The following NPEPPS variants were observed in gnomAD, a reference collection of about 807,000 sequenced individuals.
The protein encoded by NPEPPS is puromycin-sensitive aminopeptidase.
Under a neutral mutation model 115.5 loss-of-function variants are expected in NPEPPS, and 14 were observed. That is an observed-to-expected ratio of 0.12 (90% CI 0.08 to 0.19). The LOEUF is 0.19. Ranked by LOEUF, NPEPPS falls within the 10% of genes least tolerant of loss-of-function variation. The pLI is 1.00. For missense variants in NPEPPS, 523 were observed against 1,110.8 expected, an observed-to-expected ratio of 0.47 and a Z score of 7.52; for synonymous variants, 285 against 390.6, an observed-to-expected ratio of 0.73 and a Z score of 3.19.
intron 1 of NPEPPS, among the ~76,000 whole-genome samples, chr17:47,533,352 CTG>C (rs890304339): frequency 2.0e-5 from 3 of 151,776 alleles, no homozygotes; most frequent in African/African-American, 4.8e-5. Context: ...ATTTGGGAAA[CTG>C]TGGCTTAAGC....
chr17:47,529,408 T>G (rs932483406), upstream of NPEPPS, among the ~76,000 whole-genome samples: 6 of 143,476 alleles, frequency 4.2e-5, no homozygotes, highest in Non-Finnish European at 6.1e-5. Flanking sequence ...TGGGCCCACT[T>G]TTTTTTTTTT....
At chr17:47,585,403 T>G (rs1282249050) in intron 5 of NPEPPS, 97 bp from the exon 6 acceptor site, 77 of 786,178 alleles carry the variant, frequency 9.8e-5, no homozygotes, top group Non-Finnish European at 1.6e-4. Flanking sequence ...TAGAAAGGGG[T>G]AAAGAGATGC....
chr17:47,622,617 C>T lies in NPEPPS; in HGVS notation c.*697C>T. ...GTTTTTTTCCTCCCTTTAGTTCCAC[C>T]CCCAACCCCCATTCCCTGGTGTCCT... On this transcript the variant is annotated 3_prime_UTR_variant, in exon 23 of 23. Transcript: ENST00000322157. 6.9e-6 allele frequency: 2 copies of T among 290,820 alleles called. No homozygotes were observed. Among genetic ancestry groups the T allele is most frequent in the Non-Finnish European group, 1.3e-5 (2 of 153,658 alleles). 18.0% of individuals were successfully genotyped at this position (290,820 alleles called of 1,614,324 possible). A position where few individuals can be genotyped will look rare whatever the true frequency, so the allele number is the denominator to read the frequency against.
Position 47,605,335 on chromosome 17 carries a change from T to C in NPEPPS, c.1878T>C (p.Ala626=), listed in dbSNP as rs2143930238. ...ATTTATGTTTTTTCCTATCCCAGGC[T>C]CGAGCTGGAATCATTAGCACTGTAG... ...LGLQNDLFSL[A]RAGIISTVEV... The change falls in exon 17 of 23, where the codon GCT becomes GCC. Residue 626 remains alanine, a splice_region_variant and synonymous_variant. Coordinates refer to ENST00000322157, the MANE Select transcript of NPEPPS (RefSeq NM_006310.4). 6.3e-7 allele frequency: 1 copy of C among 1,595,410 alleles called. No homozygotes were observed. The highest frequency in any genetic ancestry group is 8.5e-7 in the Non-Finnish European group (1 of 1,172,396).
At chr17:47,569,007 G>T (rs1323888770) in intron 2 of NPEPPS, among the ~76,000 whole-genome samples, 1 of 152,192 alleles carries the variant, frequency 6.6e-6, no homozygotes, top group African/African-American at 2.4e-5. Flanking sequence ...AGTTTGAATT[G>T]CTACTTACCT....
chr17:47,555,034 C>G (rs1341256296), intron 2 of NPEPPS, among the ~76,000 whole-genome samples: 1 of 152,154 alleles, frequency 6.6e-6, no homozygotes, highest in Admixed American at 6.5e-5. Context: ...GCAGTTGAAA[C>G]TGTGGAAAGT....
In NPEPPS at chr17:47,605,517, G is replaced by A. The variant is rs772150779; in HGVS notation, c.2060G>A (p.Gly687Glu). 5 of 1,597,228 alleles carry A rather than the reference G, an allele frequency of 3.1e-6. No individual in the cohort carries two copies. The highest frequency in any genetic ancestry group is 4.3e-6 in the Non-Finnish European group (5 of 1,170,980). ...GTGAAAGATGTCTTTTCACCTATAGGGGAGAGACTGGGCTGGGACCCCAAA... is the reference window on the plus strand; with the variant it reads ...GTGAAAGATGTCTTTTCACCTATAGAGGAGAGACTGGGCTGGGACCCCAAA... ...EFVKDVFSPI[G>E]ERLGWDPKPG... Residue 687 changes from glycine to glutamate, a missense_variant, in exon 17 of 23, where the codon GGG becomes GAG. Gly to Glu is a moderately conservative substitution (Grantham distance 98). This residue lies in a region of NPEPPS where 372 missense variants were observed against 542.6 expected (regional missense o/e 0.69). Coordinates refer to ENST00000322157, the MANE Select transcript of NPEPPS (RefSeq NM_006310.4).
At chr17:47,530,630 T>G (rs1003007112), upstream of NPEPPS, among the ~76,000 whole-genome samples, 1 of 152,164 alleles carries the variant, frequency 6.6e-6, no homozygotes, top group African/African-American at 2.4e-5. Flanking sequence ...GTGCTGGGAT[T>G]ACAGGCGTGA....
intron 3 of NPEPPS, among the ~76,000 whole-genome samples, chr17:47,571,719 A>AAAAAC (rs1271517118): frequency 1.3e-5 from 2 of 152,172 alleles, no homozygotes; most frequent in Non-Finnish European, 2.9e-5. Flanking sequence ...CTCCGTCCCA[A>AAAAAC]AAAACAAAAC....
At chr17:47,536,982 G>A (rs1056120584) in intron 1 of NPEPPS, among the ~76,000 whole-genome samples, 1 of 151,708 alleles carries the variant, frequency 6.6e-6, no homozygotes, top group Non-Finnish European at 1.5e-5. Context: ...CAAAATGCTG[G>A]GATCACAGGC....
chr17:47,531,453 C>T lies in NPEPPS; in HGVS notation c.153C>T (p.Phe51=), dbSNP rs746589578. 1.3e-6 allele frequency: 2 copies of T among 1,570,244 alleles called. No individual in the cohort carries two copies. The highest frequency in any genetic ancestry group is 1.7e-6 in the Non-Finnish European group (2 of 1,160,200). ...GLAAMPEKRP[F]ERLPADVSPI... ...CCGCGATGCCGGAGAAGAGGCCCTT[C>T]GAGCGGCTGCCTGCCGATGTCTCCC... Residue 51 remains phenylalanine, a synonymous_variant, in exon 1 of 23, where the codon TTC becomes TTT. Transcript: ENST00000322157.
chr17:47,582,669 A>G, intron 4 of NPEPPS, 73 bp from the exon 5 acceptor site: 1 of 928,432 alleles, frequency 1.1e-6, no homozygotes, highest in Non-Finnish European at 1.7e-6. Context: ...GACAGAGGGA[A>G]ATGGTGACTG....
Position 47,621,903 on chromosome 17 carries a change from T to G in NPEPPS, c.2743T>G (p.Ser915Ala). 6.2e-7 allele frequency: 1 copy of G among 1,612,526 alleles called. No individual in the cohort carries two copies. Among genetic ancestry groups the G allele is most frequent in the South Asian group, 1.1e-5 (1 of 90,856 alleles). The change falls in exon 23 of 23, where the codon TCA becomes GCA. Residue 915 changes from serine to alanine, a missense_variant. By Grantham distance (99) the Ser-to-Ala change is moderately conservative. This residue lies in a region of NPEPPS where 372 missense variants were observed against 542.6 expected (regional missense o/e 0.69). Coordinates refer to ENST00000322157, the MANE Select transcript of NPEPPS (RefSeq NM_006310.4). ...CCAGTACCTCCTTCAGCGGAAGGCC[T>G]CACCACCCACAGTGTGAATCCTGAG... is the stretch of plus-strand genomic sequence containing the variant. ...IHQYLLQRKA[S>A]PPTV
At chr17:47,554,221 G>T (rs1909850276) in intron 2 of NPEPPS, among the ~76,000 whole-genome samples, 1 of 151,920 alleles carries the variant, frequency 6.6e-6, no homozygotes, top group African/African-American at 2.4e-5. Context: ...TGTATTTTTA[G>T]TAGGGACAGG....
At chr17:47,570,446 C>T (rs1306178244) in intron 3 of NPEPPS, among the ~76,000 whole-genome samples, 1 of 152,048 alleles carries the variant, frequency 6.6e-6, no homozygotes, top group East Asian at 1.9e-4. Context: ...AATACCTTTA[C>T]CTAGCTGCAT....
chr17:47,620,552 C>T (rs1463935402), intron 22 of NPEPPS, among the ~76,000 whole-genome samples: 1 of 152,094 alleles, frequency 6.6e-6, no homozygotes, highest in Non-Finnish European at 1.5e-5. Flanking sequence ...AGGATAATCC[C>T]CAGGTTTCTG....
chr17:47,557,772 C>G (rs1413755631), intron 2 of NPEPPS, among the ~76,000 whole-genome samples: 3 of 148,926 alleles, frequency 2.0e-5, no homozygotes, highest in Non-Finnish European at 4.5e-5. Flanking sequence ...TGTTGACATA[C>G]TATAAAGGGT....
chr17:47,590,060 C>T (rs778087055), intron 9 of NPEPPS, among the ~76,000 whole-genome samples: 3 of 151,996 alleles, frequency 2.0e-5, no homozygotes, highest in Non-Finnish European at 4.4e-5. Flanking sequence ...ACTGAATGCA[C>T]TGGCTTACGC....
At chr17:47,540,961 T>C (rs1247037955) in intron 1 of NPEPPS, among the ~76,000 whole-genome samples, 2 of 151,858 alleles carry the variant, frequency 1.3e-5, no homozygotes, top group Non-Finnish European at 2.9e-5. Flanking sequence ...GGTAGTATCC[T>C]GGAAAAAAAA....
Sources: allele counts gnomAD v4.1 joint callset (sites outside exome capture counted in the v4.1 genomes callset), GRCh38; gene constraint gnomAD v4.1.1; regional missense constraint gnomAD v4.1.1; transcripts MANE v1.5; gene names NCBI Gene and HGNC (gene_info 2026-07-23, HGNC 2026-07-21).